The following CAVIN3 variants were observed in gnomAD, a reference collection of about 807,000 sequenced individuals.
CAVIN3 encodes caveolae-associated protein 3.
Under a neutral mutation model 8.2 loss-of-function variants are expected in CAVIN3, and 11 were observed. The ratio of observed to expected loss-of-function variants is 1.35; its 90% CI spans 0.85 to 2.23. The LOEUF is 2.23. Ranked by LOEUF, CAVIN3 falls within the 30% of genes most tolerant of loss-of-function variation. CAVIN3 has a pLI of 0.00. For synonymous variants in CAVIN3, 191 were observed against 166.3 expected (o/e 1.15, Z -1.14); for missense variants, 401 against 359.5 (o/e 1.12, Z -0.93).
At chr11:6,319,739 A>G (rs1846790515) in intron 1 of CAVIN3, 175 bp from the exon 2 acceptor site, 1 of 821,346 alleles carries the variant, frequency 1.2e-6, no homozygotes, top group Non-Finnish European at 2.0e-6. Flanking sequence ...AAAACGCTGT[A>G]AAGTAGGTGA....
In CAVIN3 at chr11:6,319,148, A is replaced by AG. The variant is rs759692627; in HGVS notation, c.*14dup. ...GACAAGGCACAAGCACAGGGGAGGC[A>AG]GGCAACACCAGCCCTCAGGCTACAC... On this transcript the variant is annotated 3_prime_UTR_variant, in exon 2 of 2. Transcript: ENST00000303927. 2.6e-6 allele frequency: 4 copies of AG among 1,511,596 alleles called. No individual in the cohort carries two copies. The highest frequency in any genetic ancestry group is 8.8e-7 in the Non-Finnish European group (1 of 1,131,188). The allele number at this position is 1,511,596 out of a possible 1,614,324, so 93.6% of individuals were successfully genotyped here.
intron 1 of CAVIN3, chr11:6,319,870 G>T: frequency 1.5e-6 from 1 of 672,406 alleles, no homozygotes; most frequent in Non-Finnish European, 2.5e-6. Flanking sequence ...CTGAGCTAGA[G>T]CTGGGCGGGC....
In CAVIN3 at chr11:6,319,018, A is replaced by C. The variant is rs73396966; in HGVS notation, c.*145T>G. Reference sequence around the variant, plus strand: ...TGACTGCACCTCTTTCAGAGGACACAGGACTGGGCTTAAGGAAGGGAGGGC... The same window carrying C: ...TGACTGCACCTCTTTCAGAGGACACCGGACTGGGCTTAAGGAAGGGAGGGC... On this transcript the variant is annotated 3_prime_UTR_variant, in exon 2 of 2. Transcript: ENST00000303927. The C allele has an allele frequency of 4.1e-6, 3 of 725,250 alleles. No individual in the cohort carries two copies. The South Asian group carries it at 7.7e-5, about 19-fold the overall frequency. 44.9% of individuals were successfully genotyped at this position (725,250 alleles called of 1,614,324 possible).
At chr11:6,319,612 G>A (rs758714200) in intron 1 of CAVIN3, 48 bp from the exon 2 acceptor site, 3 of 1,537,788 alleles carry the variant, frequency 2.0e-6, no homozygotes, top group Middle Eastern at 1.7e-4. Context: ...CTTACCCCCA[G>A]CAGCCCGAAA....
intron 1 of CAVIN3, 124 bp from the exon 2 acceptor site, chr11:6,319,688 G>A: frequency 8.0e-7 from 1 of 1,252,462 alleles, no homozygotes; most frequent in East Asian, 2.5e-5. Context: ...GGAAAGGCAG[G>A]CGTGGGAAGG....
intron 1 of CAVIN3, 174 bp downstream of exon 1, chr11:6,319,919 G>C (rs1472183559): frequency 1.3e-6 from 1 of 774,712 alleles, no homozygotes; most frequent in African/African-American, 1.8e-5. Context: ...GAGAGGGAGG[G>C]ATGGGGCTGG....
chr11:6,319,623 C>G lies in CAVIN3; in HGVS notation c.385-59G>C, dbSNP rs755337001. The G allele has an allele frequency of 4.0e-5, 61 of 1,526,820 alleles. No individual in the cohort carries two copies. The East Asian group carries it at 1.2e-3, about 31-fold the overall frequency. 94.6% of individuals were successfully genotyped at this position (1,526,820 alleles called of 1,614,324 possible). A position where few individuals can be genotyped will look rare whatever the true frequency, so the allele number is the denominator to read the frequency against. ...GCTCCTTACCCCCAGCAGCCCGAAA[C>G]TCACTCCTTAATTACACAAGGGAAA... On this transcript the variant is annotated intron_variant, in intron 1 of 1. Coordinates refer to ENST00000303927, the MANE Select transcript of CAVIN3 (RefSeq NM_145040.3).
intron 1 of CAVIN3, chr11:6,319,790 C>G (rs1322228965): frequency 2.9e-6 from 2 of 680,440 alleles, no homozygotes; most frequent in Non-Finnish European, 5.1e-6. Flanking sequence ...CCCGCAGTCA[C>G]GGAATGCCCT....
At position 6,319,157 on chromosome 11, in the gene CAVIN3, C is replaced by G; in HGVS notation, c.*6G>C. On this transcript the variant is annotated 3_prime_UTR_variant, in exon 2 of 2. Coordinates refer to ENST00000303927, the MANE Select transcript of CAVIN3 (RefSeq NM_145040.3). ...CAAGCACAGGGGAGGCAGGCAACAC[C>G]AGCCCTCAGGCTACACTCTCCATTT... The G allele has an allele frequency of 6.6e-7, 1 of 1,514,010 alleles. No individual in the cohort carries two copies. The highest frequency in any genetic ancestry group is 8.8e-7 in the Non-Finnish European group (1 of 1,132,600). The allele number at this position is 1,514,010 out of a possible 1,614,324, so 93.8% of individuals were successfully genotyped here.
Position 6,319,565 on chromosome 11 carries a change from C to T in CAVIN3, c.385-1G>A, listed in dbSNP as rs1416266366. ...CGCTGGCTGGGACTTCACCCTCCTC[C>T]TGCATGTGACGGACACAGCACTGAT... On this transcript the variant is annotated splice_acceptor_variant, in intron 1 of 1. Transcript: ENST00000303927. LOFTEE classifies it high-confidence loss of function. 1 of 1,567,986 alleles carries T rather than the reference C, an allele frequency of 6.4e-7. No homozygotes were observed. Among genetic ancestry groups the T allele is most frequent in the Admixed American group, 1.8e-5 (1 of 54,994 alleles).
chr11:6,319,175 C>T lies in CAVIN3; in HGVS notation c.774G>A (p.Glu258=), dbSNP rs371017691. The T allele has an allele frequency of 1.5e-5, 23 of 1,529,440 alleles. No individual in the cohort carries two copies. The highest frequency in any genetic ancestry group is 1.9e-5 in the Non-Finnish European group (22 of 1,141,926). 94.7% of individuals were successfully genotyped at this position (1,529,440 alleles called of 1,614,324 possible). Residue 258 remains glutamate (E), a synonymous_variant, in exon 2 of 2, where the codon GAG becomes GAA. Coordinates refer to ENST00000303927, the MANE Select transcript of CAVIN3 (RefSeq NM_145040.3). ...GAAEEALLQM[E]SVA ...GCAACACCAGCCCTCAGGCTACACT[C>T]TCCATTTGGAGCAGAGCTTCTTCGG...
chr11:6,319,038 G>C lies in CAVIN3; in HGVS notation c.*125C>G, dbSNP rs1328175604. The C allele has an allele frequency of 1.1e-6, 1 of 949,418 alleles. No homozygotes were observed. The highest frequency in any genetic ancestry group is 1.7e-5 in the African/African-American group (1 of 59,198). The allele number at this position is 949,418 out of a possible 1,614,324, so 58.8% of individuals were successfully genotyped here. A position where few individuals can be genotyped will look rare whatever the true frequency, so the allele number is the denominator to read the frequency against. On this transcript the variant is annotated 3_prime_UTR_variant, in exon 2 of 2. Coordinates refer to ENST00000303927, the MANE Select transcript of CAVIN3 (RefSeq NM_145040.3). Reference sequence around the variant, plus strand: ...GACACAGGACTGGGCTTAAGGAAGGGAGGGCCAGAGCGCCCGCCTTGGTGG... The same window carrying C: ...GACACAGGACTGGGCTTAAGGAAGGCAGGGCCAGAGCGCCCGCCTTGGTGG...
rs1397370378 is a variant in CAVIN3, at chr11:6,320,404, C to T, written c.73G>A (p.Val25Met). Residue 25 changes from valine (V) to methionine (M), a missense_variant, in exon 1 of 2, where the codon GTG becomes ATG. Transcript: ENST00000303927. Reference sequence around the variant, plus strand: ...GCCAGCTTCTCCAGCAGGGTCACCACCGTCACGGCGTGCACGGGACCCCCC... The same window carrying T: ...GCCAGCTTCTCCAGCAGGGTCACCATCGTCACGGCGTGCACGGGACCCCCC... ...PAGGPVHAVT[V>M]VTLLEKLASM... The T allele has an allele frequency of 1.3e-6, 2 of 1,577,808 alleles. No homozygotes were observed. Among genetic ancestry groups the T allele is most frequent in the Non-Finnish European group, 1.7e-6 (2 of 1,168,796 alleles).
chr11:6,319,001 C>T lies in CAVIN3; in HGVS notation c.*162G>A. On this transcript the variant is annotated 3_prime_UTR_variant, in exon 2 of 2. Coordinates refer to ENST00000303927, the MANE Select transcript of CAVIN3 (RefSeq NM_145040.3). ...GCGCAAGCAGGTGTGAGTGACTGCA[C>T]CTCTTTCAGAGGACACAGGACTGGG... 3 of 604,750 alleles carry T rather than the reference C, an allele frequency of 5.0e-6. No individual in the cohort carries two copies. Among genetic ancestry groups the T allele is most frequent in the East Asian group, 2.9e-5 (1 of 34,268 alleles). 37.5% of individuals were successfully genotyped at this position (604,750 alleles called of 1,614,324 possible). A position where few individuals can be genotyped will look rare whatever the true frequency, so the allele number is the denominator to read the frequency against.
rs751428461 is a variant in CAVIN3, at chr11:6,320,423, A to AC, written c.53dup (p.Pro19SerfsTer114). Reference sequence around the variant, plus strand: ...TCACCACCGTCACGGCGTGCACGGGACCCCCCGCCGGCGCCTCGGGCACAG... The same window carrying AC: ...TCACCACCGTCACGGCGTGCACGGGACCCCCCCGCCGGCGCCTCGGGCACAG... On this transcript the variant is annotated frameshift_variant, in exon 1 of 2. Transcript: ENST00000303927. LOFTEE classifies it high-confidence loss of function. The AC allele has an allele frequency of 1.0e-5, 16 of 1,550,456 alleles. No individual in the cohort carries two copies. Among genetic ancestry groups the AC allele is most frequent in the African/African-American group, 4.2e-5 (3 of 72,236 alleles).
Position 6,319,300 on chromosome 11 carries a change from TCCG to T in CAVIN3, c.646_648del (p.Arg216del). 1 of 1,608,954 alleles carries T rather than the reference TCCG, an allele frequency of 6.2e-7. No individual in the cohort carries two copies. The highest frequency in any genetic ancestry group is 1.1e-5 in the South Asian group (1 of 90,404). The stretch of plus-strand genomic sequence containing the variant: ...TGGGCTTCCGGCTGGGCTTCAGCGC[TCCG>T]GCCAGGCCCAAGGCGAGGCGGCTTG... On this transcript the variant is annotated inframe_deletion, in exon 2 of 2. Transcript: ENST00000303927.
In CAVIN3 at chr11:6,320,104, G is replaced by T. The variant is rs762970407; in HGVS notation, c.373C>A (p.Leu125Met). 1 of 1,590,308 alleles carries T rather than the reference G, an allele frequency of 6.3e-7. No homozygotes were observed. The highest frequency in any genetic ancestry group is 1.7e-5 in the Admixed American group (1 of 59,062). ...TTGAGGTCACTGACCTTGAAGAGCA[G>T]AACGTGGAGCTTCCCGCGCGCCACC... The part of the protein sequence containing the change: ...LLVARGKLHV[L>M]LFKEEGEVPA... The change falls in exon 1 of 2, where the codon CTG becomes ATG. Residue 125 changes from leucine (L) to methionine (M), a missense_variant. Physicochemically the swap from Leu to Met is conservative, Grantham distance 15. Transcript: ENST00000303927.
At position 6,320,088 on chromosome 11, in the gene CAVIN3, C is replaced by G; in HGVS notation, c.384+5G>C. On this transcript the variant is annotated splice_donor_5th_base_variant and intron_variant, in intron 1 of 1. Coordinates refer to ENST00000303927, the MANE Select transcript of CAVIN3 (RefSeq NM_145040.3). ...TCGGATTGGGGACCGTTTGAGGTCA[C>G]TGACCTTGAAGAGCAGAACGTGGAG... The G allele has an allele frequency of 6.3e-7, 1 of 1,583,336 alleles. No homozygotes were observed. The highest frequency in any genetic ancestry group is 8.5e-7 in the Non-Finnish European group (1 of 1,173,946).
rs1028188353 is a variant in CAVIN3 at position 6,319,269 on chromosome 11, G to A, written c.680C>T (p.Ala227Val). ...SAEAQPEAQP[A>V]LEPTLEPEPP... ...CTCTGGCTCCAGCGTGGGCTCCAGC[G>A]CAGGCTGGGCTTCCGGCTGGGCTTC... Residue 227 changes from alanine (A) to valine (V), a missense_variant, in exon 2 of 2, where the codon GCG (alanine) becomes GTG (valine). Coordinates refer to ENST00000303927, the MANE Select transcript of CAVIN3 (RefSeq NM_145040.3). 2.5e-6 allele frequency: 4 copies of A among 1,608,050 alleles called. No homozygotes were observed. The African/African-American group carries it at 4.0e-5, about 16-fold the overall frequency.
Sources: gnomAD v4.1 joint callset for allele counts on GRCh38, gnomAD v4.1.1 for gene constraint, MANE v1.5 for transcripts, NCBI Gene and HGNC (gene_info 2026-07-23, HGNC 2026-07-21) for gene names.